The following NFXL1 variants were observed in gnomAD, a reference collection of about 807,000 sequenced individuals.
NFXL1 encodes nuclear transcription factor, X-box binding like 1, also known as NF-X1-type zinc finger protein NFXL1.
In NFXL1, 66 loss-of-function variants were observed where a neutral mutation model predicts 123.3. The observed-to-expected ratio is 0.54, with a 90% CI of 0.44 to 0.66. The LOEUF (loss-of-function observed/expected upper bound fraction) is 0.66. NFXL1 is among the 30% of genes least tolerant of loss of function. NFXL1 has a pLI of 0.00. For synonymous variants in NFXL1, 346 were observed against 360.8 expected, an observed-to-expected ratio of 0.96 and a Z score of 0.46; for missense variants, 944 against 1,125.6, an observed-to-expected ratio of 0.84 and a Z score of 2.31.
chr4:47,908,587 A>C (rs1470686058), intron 3 of NFXL1, among the ~76,000 whole-genome samples: 4 of 152,214 alleles, frequency 2.6e-5, no homozygotes, highest in Non-Finnish European at 5.9e-5. Context: ...ACTAAGGAAC[A>C]CATTAGTATA....
chr4:47,883,102 G>A (rs535762391), intron 15 of NFXL1, among the ~76,000 whole-genome samples: 10 of 152,100 alleles, frequency 6.6e-5, no homozygotes, highest in South Asian at 4.2e-4. Flanking sequence ...TTTCTTCCAC[G>A]TTTTTTGAGT....
chr4:47,866,011 T>G (rs73143924), intron 18 of NFXL1, among the ~76,000 whole-genome samples: 4,517 of 151,568 alleles, frequency 0.03, 244 homozygotes, highest in African/African-American at 0.1. Flanking sequence ...AGACACCTTG[T>G]CTCAAAAAAT....
At chr4:47,890,521 C>T (rs1311877207) in intron 12 of NFXL1, 92 bp downstream of exon 12, 3 of 706,752 alleles carry the variant, frequency 4.2e-6, no homozygotes, top group African/African-American at 3.6e-5. Flanking sequence ...CTATAAAACG[C>T]TATTTCAATA....
At position 47,862,919 on chromosome 4, in the gene NFXL1, A is replaced by G. The variant is rs765810574; in HGVS notation, c.2247-4T>C. The G allele has an allele frequency of 4.4e-5, 67 of 1,537,504 alleles. No homozygotes were observed. The highest frequency in any genetic ancestry group is 5.8e-5 in the Non-Finnish European group (66 of 1,138,856). ...TACATCAGCTGTGGTTATTTTTCTA[A>G]AAATAAGAAAGTTGATGACATTCAA... is the stretch of plus-strand genomic sequence containing the variant. On this transcript the variant is annotated splice_region_variant and splice_polypyrimidine_tract_variant and intron_variant, in intron 18 of 22. Coordinates refer to ENST00000507489, the MANE Select transcript of NFXL1 (RefSeq NM_001278624.2).
At chr4:47,870,919 G>T (rs1369516004) in intron 18 of NFXL1, among the ~76,000 whole-genome samples, 1 of 152,178 alleles carries the variant, frequency 6.6e-6, no homozygotes, top group Non-Finnish European at 1.5e-5. Context: ...GGCCTTTGAT[G>T]TTCAATAAAT....
At position 47,910,992 on chromosome 4, in the gene NFXL1, G is replaced by C. The variant is rs773725048; in HGVS notation, c.238C>G (p.Leu80Val). ...TCTTCAAATTTTTTCTGAGACATTA[G>C]CTCTGTTTAAAAGAAAAAAGTTTCA... ...QALQTTAASELMSQKKFEEIK... is the reference protein window; with the variant it reads ...QALQTTAASEVMSQKKFEEIK... Residue 80 changes from leucine to valine, a missense_variant and splice_region_variant, in exon 3 of 23, where the codon CTA becomes GTA. By Grantham distance (32) the Leu-to-Val change is conservative. This residue lies in a region of NFXL1 where 303 missense variants were observed against 292.1 expected (regional missense o/e 1.04). Transcript: ENST00000507489. The C allele has an allele frequency of 2.6e-6, 4 of 1,557,440 alleles. No individual in the cohort carries two copies. The South Asian group carries it at 4.8e-5, about 19-fold the overall frequency.
chr4:47,858,684 T>TA (rs770050742), intron 19 of NFXL1, among the ~76,000 whole-genome samples: 2 of 152,068 alleles, frequency 1.3e-5, no homozygotes, highest in African/African-American at 2.4e-5. Context: ...AAACTGTAAA[T>TA]AAAAGTAAGG....
intron 3 of NFXL1, among the ~76,000 whole-genome samples, chr4:47,908,467 T>C (rs1347201895): frequency 6.7e-6 from 1 of 149,424 alleles, no homozygotes; most frequent in African/African-American, 2.5e-5. Context: ...TTTGCGTTTA[T>C]GCTAACTAAT....
chr4:47,856,369 G>A lies in NFXL1; in HGVS notation c.2317-1206C>T, dbSNP rs375856616. Among the ~76,000 whole-genome samples the A allele has an allele frequency of 1.8e-4, 28 of 152,128 alleles. No homozygotes were observed. In the South Asian group the frequency reaches 2.7e-3, roughly 15 times the overall value. On this transcript the variant is annotated intron_variant, in intron 19 of 22. Transcript: ENST00000507489. ...AATGGTCAGACAGTCATCAACTTAC[G>A]GTGGTGTAACTTAAAACAATTTTTC...
chr4:47,867,065 T>A (rs1054815463), intron 18 of NFXL1, among the ~76,000 whole-genome samples: 1 of 152,134 alleles, frequency 6.6e-6, no homozygotes. Flanking sequence ...CTCCTACCCT[T>A]TTGCTGTAAT....
rs145684190 is a variant in NFXL1 at position 47,885,999 on chromosome 4, C to A, written c.1544G>T (p.Gly515Val). The change falls in exon 13 of 23, where the codon GGC becomes GTC. Residue 515 changes from glycine to valine, a missense_variant and splice_region_variant. By Grantham distance (109) the Gly-to-Val change is moderately radical. Transcript: ENST00000507489. ...NHKCPSVCHR[G>V]SCYPCPETVD... is the part of the protein sequence containing the mutation. ...GGTTTCTGGGCAGGGATAGCAACTG[C>A]CTGAAAAAAAAGTCTGACAATTAAA... 2 of 1,603,554 alleles carry A rather than the reference C, an allele frequency of 1.2e-6. No homozygotes were observed. Among genetic ancestry groups the A allele is most frequent in the South Asian group, 1.1e-5 (1 of 88,690 alleles).
chr4:47,906,402 T>G (rs1445746095), intron 3 of NFXL1, among the ~76,000 whole-genome samples: 1 of 152,198 alleles, frequency 6.6e-6, no homozygotes, highest in African/African-American at 2.4e-5. Context: ...ATAGGACATG[T>G]GGCTAATTCT....
intron 18 of NFXL1, among the ~76,000 whole-genome samples, chr4:47,866,211 G>C (rs1369831968): frequency 6.6e-6 from 1 of 151,998 alleles, no homozygotes; most frequent in Non-Finnish European, 1.5e-5. Flanking sequence ...CTGGGAAGAA[G>C]GTAAAAAGGG....
rs1291547522 is a variant in NFXL1, at chr4:47,898,791, C to T, written c.1055G>A (p.Arg352Lys). The T allele has an allele frequency of 5.0e-6, 8 of 1,613,614 alleles. No individual in the cohort carries two copies. In the East Asian group the frequency reaches 1.6e-4, roughly 31 times the overall value. ...GTGCCATAGTGGACTTGCACAACTTCTTTCAGCTACTTTTTTGCCACAGAC... is the reference window on the plus strand; with the variant it reads ...GTGCCATAGTGGACTTGCACAACTTTTTTCAGCTACTTTTTTGCCACAGAC... ...KCVCGKKVAE[R>K]SCASPLWHCD... The change falls in exon 8 of 23, where the codon AGA becomes AAA. Residue 352 changes from arginine to lysine, a missense_variant. Coordinates refer to ENST00000507489, the MANE Select transcript of NFXL1 (RefSeq NM_001278624.2).
chr4:47,902,999 C>CA (rs919296905), intron 5 of NFXL1, among the ~76,000 whole-genome samples, 194 bp downstream of exon 5: 24 of 152,004 alleles, frequency 1.6e-4, no homozygotes, highest in Non-Finnish European at 3.2e-4. Context: ...ACTAAAAATA[C>CA]AAAAAATTAG....
intron 19 of NFXL1, among the ~76,000 whole-genome samples, chr4:47,861,114 G>A (rs1383269420): frequency 6.6e-6 from 1 of 151,006 alleles, no homozygotes; most frequent in African/African-American, 2.4e-5. Flanking sequence ...ACCCGCCTCA[G>A]CCTCCCAAAG....
chr4:47,884,969 C>T (rs1291767071), intron 14 of NFXL1, among the ~76,000 whole-genome samples: 1 of 151,244 alleles, frequency 6.6e-6, no homozygotes, highest in East Asian at 1.9e-4. Flanking sequence ...TCTACTAAAA[C>T]TACAAAAATT....
Position 47,899,138 on chromosome 4 carries a change from C to CAAAAA in NFXL1, c.827-23_827-19dup, listed in dbSNP as rs3057881. On this transcript the variant is annotated intron_variant, in intron 6 of 22. Transcript: ENST00000507489. ...GCAGGGACCTAGAATTCAGTAAAAG[C>CAAAAA]AAAAAAAAAAAAAAAAAAAAAATCT... is the stretch of plus-strand genomic sequence containing the variant. The CAAAAA allele has an allele frequency of 1.9e-5, 23 of 1,212,184 alleles. No individual in the cohort carries two copies. The highest frequency in any genetic ancestry group is 3.6e-5 in the South Asian group (2 of 55,060). The allele number at this position is 1,212,184 out of a possible 1,614,324, so 75.1% of individuals were successfully genotyped here. A position where few individuals can be genotyped will look rare whatever the true frequency, so the allele number is the denominator to read the frequency against.
chr4:47,895,964 T>G (rs1410462802), intron 10 of NFXL1, among the ~76,000 whole-genome samples: 2 of 152,310 alleles, frequency 1.3e-5, no homozygotes, highest in Middle Eastern at 3.4e-3. Flanking sequence ...TCAATTGGCC[T>G]AATTTCAATA....
Sources: gnomAD v4.1 joint callset for allele counts (sites outside exome capture counted in the v4.1 genomes callset) on GRCh38, gnomAD v4.1.1 for gene constraint, gnomAD v4.1.1 regional missense constraint, MANE v1.5 for transcripts, NCBI Gene and HGNC (gene_info 2026-07-23, HGNC 2026-07-21) for gene names.